ZNF124: variants seen among roughly 807,000 people sequenced by gnomAD.
The protein encoded by ZNF124 is zinc finger protein 124.
A neutral mutation model predicts 26.6 loss-of-function variants in ZNF124; 25 were observed. The observed-to-expected ratio is 0.94, with a 90% CI of 0.68 to 1.31. ZNF124 has a LOEUF of 1.31. Among genes scored for constraint, ZNF124 ranks in the 40% most tolerant of loss-of-function variants. ZNF124 has a pLI of 0.00. For synonymous variants in ZNF124, 129 were observed against 133.3 expected, an observed-to-expected ratio of 0.97 and a Z score of 0.22; for missense variants, 444 against 422.2, an observed-to-expected ratio of 1.05 and a Z score of -0.45.
At chr1:247,153,094 C>T (rs557003481), downstream of ZNF124, among the ~76,000 whole-genome samples, 149 of 150,842 alleles carry the variant, frequency 9.9e-4, no homozygotes, top group African/African-American at 3.5e-3. Flanking sequence ...GATTGCGCCA[C>T]TGCACTCCAG....
chr1:247,158,157 G>A (rs886760206), intron 3 of ZNF124, among the ~76,000 whole-genome samples: 10 of 152,202 alleles, frequency 6.6e-5, no homozygotes, highest in Admixed American at 2.0e-4. Flanking sequence ...GACTGAGTCC[G>A]GAGAATCACT....
At position 247,156,518 on chromosome 1, in the gene ZNF124, G is replaced by T; in HGVS notation, c.*48C>A. ...ACCTTACATTCACAGTTTCTCTCAA[G>T]TATGTGACTGTTCATGTTTTTGACA... On this transcript the variant is annotated 3_prime_UTR_variant, in exon 4 of 4. Transcript: ENST00000543802. 1 of 1,487,952 alleles carries T rather than the reference G, an allele frequency of 6.7e-7. No homozygotes were observed. Among genetic ancestry groups the T allele is most frequent in the Non-Finnish European group, 8.9e-7 (1 of 1,121,454 alleles). The allele number at this position is 1,487,952 out of a possible 1,614,324, so 92.2% of individuals were successfully genotyped here.
intron 1 of ZNF124, among the ~76,000 whole-genome samples, chr1:247,165,339 A>T (rs182857554): frequency 1.3e-5 from 2 of 152,198 alleles, no homozygotes; most frequent in African/African-American, 4.8e-5. Context: ...AAATGGTGCT[A>T]GGATTACTGG....
At chr1:247,158,231 C>G (rs1673265128) in intron 3 of ZNF124, among the ~76,000 whole-genome samples, 1 of 151,970 alleles carries the variant, frequency 6.6e-6, no homozygotes, top group South Asian at 2.1e-4. Context: ...GTCTGGATAC[C>G]AGAGAGAGAC....
chr1:247,161,650 A>T (rs576461000), intron 1 of ZNF124, among the ~76,000 whole-genome samples: 1 of 152,160 alleles, frequency 6.6e-6, no homozygotes, highest in South Asian at 2.1e-4. Context: ...AAACATGATT[A>T]AAAAATGGGA....
chr1:247,162,132 A>G (rs934102256), intron 1 of ZNF124, among the ~76,000 whole-genome samples: 2 of 152,218 alleles, frequency 1.3e-5, no homozygotes, highest in Non-Finnish European at 2.9e-5. Context: ...AAATATGGAA[A>G]GATCATTAAC....
At chr1:247,151,465 T>C (rs954557610), downstream of ZNF124, among the ~76,000 whole-genome samples, 165 of 134,610 alleles carry the variant, frequency 1.2e-3, no homozygotes, top group African/African-American at 4.2e-3. Flanking sequence ...GGTGACAGAG[T>C]GAGACTCCGT....
chr1:247,164,958 C>T (rs944872499), intron 1 of ZNF124, among the ~76,000 whole-genome samples: 3 of 151,596 alleles, frequency 2.0e-5, no homozygotes, highest in African/African-American at 4.9e-5. Context: ...CACACACCTA[C>T]GACCATCTGA....
chr1:247,141,564 C>T (rs1356330528), intron 3 of ZNF124, among the ~76,000 whole-genome samples: 1 of 152,082 alleles, frequency 6.6e-6, no homozygotes, highest in Non-Finnish European at 1.5e-5. Flanking sequence ...CCAAAGGCAG[C>T]AGGGATAGAA....
At chr1:247,123,859 A>G in exon 4 of ZNF124, 1 of 702,360 alleles carries the variant, frequency 1.4e-6, no homozygotes, top group African/African-American at 1.7e-5. Context: ...TTGGAAAGTT[A>G]TATAAACCTC....
intron 3 of ZNF124, among the ~76,000 whole-genome samples, chr1:247,127,812 T>C (rs1341962484): frequency 6.7e-6 from 1 of 149,978 alleles, no homozygotes; most frequent in Non-Finnish European, 1.5e-5. Flanking sequence ...GCTCGGTTTT[T>C]TGGAGACGTG....
chr1:247,142,302 T>C (rs754953776), intron 3 of ZNF124, among the ~76,000 whole-genome samples: 2 of 152,152 alleles, frequency 1.3e-5, no homozygotes, highest in African/African-American at 2.4e-5. Context: ...CCTGTGGTGG[T>C]TGTAGAAAAG....
At chr1:247,159,883 A>T in intron 1 of ZNF124, 70 bp from the exon 2 acceptor site, 1 of 1,539,954 alleles carries the variant, frequency 6.5e-7, no homozygotes, top group Non-Finnish European at 8.7e-7. Context: ...GTCAATTTAT[A>T]AGATGTTCAT....
At chr1:247,169,005 T>A (rs547506018) in intron 1 of ZNF124, among the ~76,000 whole-genome samples, 21 of 151,476 alleles carry the variant, frequency 1.4e-4, no homozygotes, top group Non-Finnish European at 1.9e-4. Flanking sequence ...ACATTAAAAA[T>A]TTTTTTAATT....
rs780019512 is a variant in ZNF124, at chr1:247,159,793, A to G, written c.51T>C (p.Asp17=). 2.5e-6 allele frequency: 4 copies of G among 1,613,242 alleles called. No individual in the cohort carries two copies. The highest frequency in any genetic ancestry group is 2.7e-5 in the African/African-American group (2 of 74,872). The stretch of plus-strand genomic sequence containing the variant: ...CCTCCTGGGTGAAGTTCACAGCCAC[A>G]TCCTCAAAGGCAACCGAGTTCTAAA... The part of the protein sequence containing the change: ...SWEMNSVAFE[D]VAVNFTQEEW... The change falls in exon 2 of 4, where the codon GAT becomes GAC. Residue 17 remains aspartate, a synonymous_variant. Transcript: ENST00000543802.
intron 3 of ZNF124, among the ~76,000 whole-genome samples, chr1:247,131,318 A>C (rs1165538558): frequency 6.6e-6 from 1 of 152,098 alleles, no homozygotes; most frequent in East Asian, 1.9e-4. Flanking sequence ...CACGGATTGG[A>C]AGATCCCACT....
At chr1:247,130,991 G>A (rs1259236996) in intron 3 of ZNF124, among the ~76,000 whole-genome samples, 1 of 152,160 alleles carries the variant, frequency 6.6e-6, no homozygotes, top group African/African-American at 2.4e-5. Context: ...CAGGAGAATC[G>A]CTTGAACCCA....
Position 247,156,428 on chromosome 1 carries a change from T to G in ZNF124, c.*138A>C. 1 of 1,337,578 alleles carries G rather than the reference T, an allele frequency of 7.5e-7. No individual in the cohort carries two copies. Among genetic ancestry groups the G allele is most frequent in the Non-Finnish European group, 9.6e-7 (1 of 1,045,470 alleles). The allele number at this position is 1,337,578 out of a possible 1,614,324, so 82.9% of individuals were successfully genotyped here. A position where few individuals can be genotyped will look rare whatever the true frequency, so the allele number is the denominator to read the frequency against. The stretch of plus-strand genomic sequence containing the variant: ...TACCTTATTGCTTATAGTCATAGGG[T>G]TTATCTCCAGTTTGATTCGTTTCAT... On this transcript the variant is annotated 3_prime_UTR_variant, in exon 4 of 4. Coordinates refer to ENST00000543802, the MANE Select transcript of ZNF124 (RefSeq NM_001297568.2).
chr1:247,147,526 CTTCT>C (rs899686841), intron 3 of ZNF124, among the ~76,000 whole-genome samples: 18 of 152,158 alleles, frequency 1.2e-4, no homozygotes, highest in Middle Eastern at 3.4e-3. Flanking sequence ...CGCCTGGCTG[CTTCT>C]TTAACTTTTT....
Sources: allele counts gnomAD v4.1 joint callset (sites outside exome capture counted in the v4.1 genomes callset), GRCh38; gene constraint gnomAD v4.1.1; transcripts MANE v1.5; gene names NCBI Gene and HGNC (gene_info 2026-07-23, HGNC 2026-07-21).